The following PTPRD variants were observed in gnomAD, a reference collection of about 807,000 sequenced individuals.
PTPRD encodes the protein receptor-type tyrosine-protein phosphatase delta.
A neutral mutation model predicts 214.5 loss-of-function variants in PTPRD; 34 were observed. The ratio of observed to expected loss-of-function variants is 0.16; its 90% CI spans 0.12 to 0.21. PTPRD has a LOEUF of 0.21. Among genes scored for constraint, PTPRD ranks in the 10% least tolerant of loss-of-function variants. The pLI, the probability that PTPRD is intolerant of heterozygous loss-of-function variation, is 1.00. For missense variants in PTPRD, 2,545 were observed against 2,398.7 expected (o/e 1.06, Z -1.27); for synonymous variants, 1,128 against 845.7 (o/e 1.33, Z -5.79).
At chr9:9,108,543 C>T (rs1012073452) in intron 10 of PTPRD, among the ~76,000 whole-genome samples, 6 of 152,148 alleles carry the variant, frequency 3.9e-5, no homozygotes, top group African/African-American at 9.7e-5. Context: ...TAGTGACTCA[C>T]GGATCCAGGC....
At chr9:9,461,980 A>G (rs759089218) in intron 8 of PTPRD, among the ~76,000 whole-genome samples, 5 of 152,086 alleles carry the variant, frequency 3.3e-5, no homozygotes, top group African/African-American at 4.8e-5. Context: ...ATTAAACCAA[A>G]TTACTTTGTT....
At chr9:10,008,452 G>A (rs187474733) in intron 4 of PTPRD, among the ~76,000 whole-genome samples, 2 of 151,930 alleles carry the variant, frequency 1.3e-5, no homozygotes, top group Non-Finnish European at 2.9e-5. Flanking sequence ...GACATATAGA[G>A]CCTAATTTTA....
At chr9:8,563,818 C>T (rs1413421568) in intron 14 of PTPRD, among the ~76,000 whole-genome samples, 1 of 152,130 alleles carries the variant, frequency 6.6e-6, no homozygotes, top group African/African-American at 2.4e-5. Context: ...TGTGCCATCA[C>T]ACTCAGTTCT....
intron 9 of PTPRD, among the ~76,000 whole-genome samples, chr9:9,223,080 G>A (rs2099957228): frequency 6.6e-6 from 1 of 151,928 alleles, no homozygotes; most frequent in African/African-American, 2.4e-5. Flanking sequence ...CTACTTATGA[G>A]AAACATAAAG....
intron 3 of PTPRD, among the ~76,000 whole-genome samples, chr9:10,189,013 C>CT (rs916454118): frequency 2.8e-4 from 41 of 148,040 alleles, no homozygotes; most frequent in South Asian, 4.3e-4. Flanking sequence ...GTTTCCATTA[C>CT]TTTTTTTTTT....
At chr9:8,668,005 A>G (rs1250857976) in intron 12 of PTPRD, among the ~76,000 whole-genome samples, 1 of 152,210 alleles carries the variant, frequency 6.6e-6, no homozygotes, top group Non-Finnish European at 1.5e-5. Context: ...ATCACTAATT[A>G]GAAAATAAAC....
At chr9:10,559,716 AAAAC>A (rs1190009032) in intron 2 of PTPRD, among the ~76,000 whole-genome samples, 13 of 152,298 alleles carry the variant, frequency 8.5e-5, no homozygotes, top group African/African-American at 2.4e-4. Flanking sequence ...TCAGAAGAAA[AAAAC>A]AAACAACCCC....
At chr9:10,205,551 G>A (rs1363045452) in intron 3 of PTPRD, among the ~76,000 whole-genome samples, 1 of 151,906 alleles carries the variant, frequency 6.6e-6, no homozygotes, top group Non-Finnish European at 1.5e-5. Context: ...GATTACAGGT[G>A]TAAGCCACCA....
At chr9:8,373,060 A>T (rs1180843780) in intron 39 of PTPRD, among the ~76,000 whole-genome samples, 1 of 152,050 alleles carries the variant, frequency 6.6e-6, no homozygotes, top group African/African-American at 2.4e-5. Flanking sequence ...GTGTAACATG[A>T]TCATGATTAA....
At chr9:10,322,024 A>T (rs2096562084) in intron 3 of PTPRD, among the ~76,000 whole-genome samples, 1 of 152,042 alleles carries the variant, frequency 6.6e-6, no homozygotes, top group South Asian at 2.1e-4. Context: ...ATGTCCCAGG[A>T]TTTCAAAATA....
chr9:9,254,614 G>T (rs942874392), intron 9 of PTPRD, among the ~76,000 whole-genome samples: 1 of 152,002 alleles, frequency 6.6e-6, no homozygotes, highest in Admixed American at 6.6e-5. Context: ...GAATCCCAAA[G>T]ATGAAGATGA....
chr9:10,047,844 C>T (rs2136530), intron 3 of PTPRD, among the ~76,000 whole-genome samples: 30,637 of 151,960 alleles, frequency 0.2, 3,666 homozygotes, highest in East Asian at 0.51. Context: ...AAAATTGGTG[C>T]AAGTGTGGTT....
intron 9 of PTPRD, among the ~76,000 whole-genome samples, chr9:9,376,399 A>G (rs1050462822): frequency 2.0e-5 from 3 of 152,126 alleles, no homozygotes; most frequent in Non-Finnish European, 4.4e-5. Flanking sequence ...ACCTTCCTCC[A>G]TCAGTCAAAT....
Position 10,357,061 on chromosome 9 carries a change from T to C in PTPRD, c.-599-16044A>G, listed in dbSNP as rs562137716. On this transcript the variant is annotated intron_variant, in intron 2 of 45. Transcript: ENST00000381196. ...CTTTCACTTATAAATGATGTAAATA[T>C]ACTACTAAATTATATTAGTGTTTAT... is the stretch of plus-strand genomic sequence containing the variant. 8.5e-5 allele frequency among the ~76,000 whole-genome samples: 13 copies of C among 152,276 alleles called. No individual in the cohort carries two copies. The South Asian group carries it at 2.7e-3, about 32-fold the overall frequency.
chr9:10,482,112 C>G (rs935721821), intron 2 of PTPRD, among the ~76,000 whole-genome samples: 3 of 152,148 alleles, frequency 2.0e-5, no homozygotes, highest in Non-Finnish European at 2.9e-5. Flanking sequence ...TGGCTCACGC[C>G]TGTAATCCCA....
At chr9:9,840,152 C>G (rs1398011545) in intron 5 of PTPRD, among the ~76,000 whole-genome samples, 1 of 151,970 alleles carries the variant, frequency 6.6e-6, no homozygotes, top group Non-Finnish European at 1.5e-5. Flanking sequence ...ATTCTCCTGT[C>G]GCAGCCTTCC....
chr9:8,829,115 T>C (rs2154529070), intron 11 of PTPRD, among the ~76,000 whole-genome samples: 1 of 152,346 alleles, frequency 6.6e-6, no homozygotes, highest in Admixed American at 6.5e-5. Context: ...TTTATTTTTA[T>C]AATTGAAGTA....
At chr9:9,535,968 C>G (rs555919654) in intron 8 of PTPRD, among the ~76,000 whole-genome samples, 65 of 151,992 alleles carry the variant, frequency 4.3e-4, no homozygotes, top group Admixed American at 9.2e-4. Flanking sequence ...TAAGAGAAAT[C>G]TTGTTCCTAA....
Position 9,682,037 on chromosome 9 carries a change from A to T in PTPRD, c.-287+52496T>A, listed in dbSNP as rs148895834. Among the ~76,000 whole-genome samples, 1,034 of 151,932 alleles carry T rather than the reference A, an allele frequency of 6.8e-3. 10 individuals are homozygous for T. Among genetic ancestry groups the T allele is most frequent in the Non-Finnish European group, 6.2e-3 (422 of 67,854 alleles). ...CTTTCTCTGACAATTGATGAGCCTG[A>T]CAATCTCGTTAAACTGCCAACTACA... is the stretch of plus-strand genomic sequence containing the variant. On this transcript the variant is annotated intron_variant, in intron 7 of 45. Coordinates refer to ENST00000381196, the MANE Select transcript of PTPRD (RefSeq NM_002839.4).
Sources: allele counts gnomAD v4.1 joint callset (sites outside exome capture counted in the v4.1 genomes callset), GRCh38; gene constraint gnomAD v4.1.1; transcripts MANE v1.5; gene names NCBI Gene and HGNC (gene_info 2026-07-23, HGNC 2026-07-21).